The following AFDN variants were observed in gnomAD, a reference collection of about 807,000 sequenced individuals.
AFDN encodes the protein afadin.
Under a neutral mutation model 216.6 loss-of-function variants are expected in AFDN, and 68 were observed. The observed-to-expected ratio is 0.31, with a 90% CI of 0.26 to 0.38. The LOEUF (loss-of-function observed/expected upper bound fraction) is 0.38, where lower values mean the gene tolerates loss of function less well. Among genes scored for constraint, AFDN ranks in the 10% least tolerant of loss-of-function variants. AFDN has a pLI of 1.00. For synonymous variants in AFDN, 868 were observed against 853.7 expected (o/e 1.02, Z -0.29); for missense variants, 2,136 against 2,342.0 (o/e 0.91, Z 1.82).
Position 167,970,807 on chromosome 6 carries a change from A to T in AFDN, c.*872A>T. 1 of 220,018 alleles carries T rather than the reference A, an allele frequency of 4.5e-6. No homozygotes were observed. The highest frequency in any genetic ancestry group is 9.1e-6 in the Non-Finnish European group (1 of 109,806). 13.6% of individuals were successfully genotyped at this position (220,018 alleles called of 1,614,324 possible). ...TTGGAGCAATGTTCATGTGACTGGG[A>T]ATGACAGAAGAATGGGAGATGAGTA... On this transcript the variant is annotated 3_prime_UTR_variant, in exon 34 of 34. Coordinates refer to ENST00000683244, the MANE Select transcript of AFDN (RefSeq NM_001386888.1).
At chr6:167,959,420 T>C (rs1469671017) in intron 30 of AFDN, among the ~76,000 whole-genome samples, 1 of 152,206 alleles carries the variant, frequency 6.6e-6, no homozygotes, top group Non-Finnish European at 1.5e-5. Flanking sequence ...CCAGGTGTTA[T>C]GTCACTTACC....
chr6:167,954,548 CT>C, intron 30 of AFDN: 1 of 1,513,410 alleles, frequency 6.6e-7, no homozygotes. Context: ...ATTTTCTTTT[CT>C]TTCAGTGGTG....
Position 167,922,967 on chromosome 6 carries a change from T to A in AFDN, c.3012+8T>A. On this transcript the variant is annotated splice_region_variant and intron_variant, in intron 22 of 33. Transcript: ENST00000683244. ...CGTGAGAACACAGAGCTGGCAAGTA[T>A]TTTGAGGGTACCATGAAGTGAAATG... 1 of 1,590,400 alleles carries A rather than the reference T, an allele frequency of 6.3e-7. No individual in the cohort carries two copies. The highest frequency in any genetic ancestry group is 8.6e-7 in the Non-Finnish European group (1 of 1,159,574).
At position 167,925,103 on chromosome 6, in the gene AFDN, A is replaced by G. The variant is rs1792335765; in HGVS notation, c.3099+12A>G. The G allele has an allele frequency of 2.5e-6, 4 of 1,591,600 alleles. No homozygotes were observed. In the South Asian group the frequency reaches 4.4e-5, roughly 18 times the overall value. On this transcript the variant is annotated intron_variant, in intron 23 of 33. Transcript: ENST00000683244. ...TTGTTGCAGCAAAGGTAGGCCAATT[A>G]GTCACGTGCGAGTTGTTCTCTCCAG... is the stretch of plus-strand genomic sequence containing the variant.
intron 11 of AFDN, 53 bp downstream of exon 11, chr6:167,898,520 T>A: frequency 6.7e-7 from 1 of 1,501,168 alleles, no homozygotes; most frequent in East Asian, 2.3e-5. Flanking sequence ...TTAAAGTAGT[T>A]CAGATTATTC....
intron 1 of AFDN, among the ~76,000 whole-genome samples, chr6:167,829,343 G>A (rs1404892228): frequency 6.6e-6 from 1 of 151,912 alleles, no homozygotes; most frequent in Non-Finnish European, 1.5e-5. Flanking sequence ...TTAACATATT[G>A]TATCTTTTAT....
At chr6:167,855,963 A>G (rs559929752) in intron 1 of AFDN, among the ~76,000 whole-genome samples, 7 of 152,140 alleles carry the variant, frequency 4.6e-5, no homozygotes, top group Non-Finnish European at 8.8e-5. Context: ...AACATACGAA[A>G]TGGAAAATCC....
In AFDN at chr6:167,915,158, G is replaced by T; in HGVS notation, c.2300-10G>T. ...TTTGCTCCTCTTGTCCTCTCACCCT[G>T]TCTGGGCAGATGATGTGCTGCACAC... On this transcript the variant is annotated splice_polypyrimidine_tract_variant and intron_variant, in intron 18 of 33. Coordinates refer to ENST00000683244, the MANE Select transcript of AFDN (RefSeq NM_001386888.1). 1 of 1,613,596 alleles carries T rather than the reference G, an allele frequency of 6.2e-7. No individual in the cohort carries two copies. The highest frequency in any genetic ancestry group is 8.5e-7 in the Non-Finnish European group (1 of 1,179,902).
At chr6:167,864,939 C>T in intron 2 of AFDN, 193 bp downstream of exon 2, 3 of 758,186 alleles carry the variant, frequency 4.0e-6, no homozygotes, top group Admixed American at 3.5e-5. Flanking sequence ...ATCCCTGGCA[C>T]ATATATCTGT....
intron 5 of AFDN, among the ~76,000 whole-genome samples, chr6:167,876,577 G>C (rs1057484109): frequency 6.6e-6 from 1 of 152,180 alleles, no homozygotes; most frequent in Non-Finnish European, 1.5e-5. Context: ...GCTGTAAGAA[G>C]GAGTTTGACA....
chr6:167,828,628 T>C (rs541750778), intron 1 of AFDN, among the ~76,000 whole-genome samples: 18 of 152,258 alleles, frequency 1.2e-4, no homozygotes, highest in Non-Finnish European at 1.9e-4. Flanking sequence ...GACTAGTGTA[T>C]CTTTAGAAAG....
At chr6:167,893,766 G>A (rs868681092) in intron 8 of AFDN, 96 bp from the exon 9 acceptor site, 22 of 916,588 alleles carry the variant, frequency 2.4e-5, no homozygotes, top group Non-Finnish European at 3.7e-5. Flanking sequence ...CACCCTCTGC[G>A]TCTCTTCTCC....
intron 11 of AFDN, among the ~76,000 whole-genome samples, chr6:167,898,928 G>C (rs1490122232): frequency 6.6e-6 from 1 of 152,182 alleles, no homozygotes; most frequent in Non-Finnish European, 1.5e-5. Flanking sequence ...AGGGAAAACA[G>C]AAAGCCTTTC....
intron 12 of AFDN, 34 bp downstream of exon 12, chr6:167,902,420 CT>C: frequency 6.7e-7 from 1 of 1,488,928 alleles, no homozygotes; most frequent in Non-Finnish European, 9.4e-7. Flanking sequence ...TAGAAGTGTG[CT>C]TGCTATAGGA....
At chr6:167,964,172 G>A (rs1797305876) in intron 31 of AFDN, 6 of 1,063,774 alleles carry the variant, frequency 5.6e-6, no homozygotes, top group African/African-American at 1.6e-5. Context: ...CTATAATTAA[G>A]TGGTCACTGT....
At chr6:167,938,692 A>T (rs1794315714) in intron 23 of AFDN, among the ~76,000 whole-genome samples, 1 of 152,134 alleles carries the variant, frequency 6.6e-6, no homozygotes, top group African/African-American at 2.4e-5. Context: ...TGGAGTCCAC[A>T]TGTTCAGCTT....
At chr6:167,905,269 G>T (rs891948482) in intron 12 of AFDN, among the ~76,000 whole-genome samples, 12 of 152,146 alleles carry the variant, frequency 7.9e-5, no homozygotes, top group African/African-American at 2.9e-4. Flanking sequence ...TGCAAGTGGG[G>T]CTCCTGTTTC....
At chr6:167,877,703 A>G (rs966414870) in intron 5 of AFDN, among the ~76,000 whole-genome samples, 1 of 152,170 alleles carries the variant, frequency 6.6e-6, no homozygotes, top group East Asian at 1.9e-4. Flanking sequence ...CTTACAGCCT[A>G]CTGCAGCTAT....
chr6:167,887,588 T>G (rs1437575821), intron 6 of AFDN, among the ~76,000 whole-genome samples: 3 of 152,094 alleles, frequency 2.0e-5, no homozygotes, highest in Admixed American at 2.0e-4. Flanking sequence ...CCCGAATAAC[T>G]GGGACTACAG....
Sources: gnomAD v4.1 joint callset for allele counts (sites outside exome capture counted in the v4.1 genomes callset) on GRCh38, gnomAD v4.1.1 for gene constraint, MANE v1.5 for transcripts, NCBI Gene and HGNC (gene_info 2026-07-23, HGNC 2026-07-21) for gene names.